The following NAT10 variants were observed in gnomAD, a reference collection of about 807,000 sequenced individuals.
The protein encoded by NAT10 is N-acetyltransferase 10.
In NAT10, 109 loss-of-function variants were observed where a neutral mutation model predicts 132.2. The ratio of observed to expected loss-of-function variants is 0.82; its 90% CI spans 0.71 to 0.97. The LOEUF is 0.97. NAT10 is among the 50% of genes least tolerant of loss of function. NAT10 has a pLI of 0.00. For missense variants in NAT10, 1,184 were observed against 1,263.4 expected, an observed-to-expected ratio of 0.94 and a Z score of 0.95; for synonymous variants, 479 against 478.0, an observed-to-expected ratio of 1.00 and a Z score of -0.03.
chr11:34,136,490 G>A (rs1479180848), intron 19 of NAT10, 152 bp from the exon 20 acceptor site: 1 of 789,804 alleles, frequency 1.3e-6, no homozygotes, highest in South Asian at 1.7e-5. Flanking sequence ...CTTGACTCCG[G>A]TGTTCTCATA....
intron 2 of NAT10, 48 bp downstream of exon 2, chr11:34,108,381 G>T: frequency 6.8e-7 from 1 of 1,466,234 alleles, no homozygotes; most frequent in Non-Finnish European, 9.6e-7. Context: ...CTTGTCCAAA[G>T]AATCAGCATG....
Position 34,127,543 on chromosome 11 carries a change from C to G in NAT10, c.1188C>G (p.Pro396=), listed in dbSNP as rs771255449. ...VIDEAAAIPL[P]LVKSLLGPYL... ...ATGAAGCTGCCGCCATCCCCCTCCC[C>G]TTGGTGAAGAGCCTACTTGGCCCCT... is the stretch of plus-strand genomic sequence containing the variant. The change falls in exon 12 of 29, where the codon CCC becomes CCG. Residue 396 remains proline (P), a synonymous_variant. Transcript: ENST00000257829. 6.2e-7 allele frequency: 1 copy of G among 1,614,196 alleles called. No individual in the cohort carries two copies. Among genetic ancestry groups the G allele is most frequent in the Non-Finnish European group, 8.5e-7 (1 of 1,180,016 alleles).
At chr11:34,128,579 C>A (rs1852044677) in intron 12 of NAT10, among the ~76,000 whole-genome samples, 2 of 152,156 alleles carry the variant, frequency 1.3e-5, no homozygotes, top group South Asian at 4.1e-4. Context: ...GTATAGAAAT[C>A]ACATCTTGAA....
In NAT10 at chr11:34,134,465, C is replaced by T. The variant is rs1426028397; in HGVS notation, c.1836+45C>T. On this transcript the variant is annotated intron_variant, in intron 17 of 28. Transcript: ENST00000257829. ...GTGTCTGAGGGAAGCTGGTGGTGTCCAAAGATGTCTGTGTTGCTAAGTTAC... is the reference window on the plus strand; with the variant it reads ...GTGTCTGAGGGAAGCTGGTGGTGTCTAAAGATGTCTGTGTTGCTAAGTTAC... 1.9e-6 allele frequency: 3 copies of T among 1,613,584 alleles called. No homozygotes were observed. In the African/African-American group the frequency reaches 4.0e-5, roughly 22 times the overall value.
rs767690927 is a variant in NAT10, at chr11:34,122,622, A to G, written c.914+30A>G. 26 of 1,611,528 alleles carry G rather than the reference A, an allele frequency of 1.6e-5. No individual in the cohort carries two copies. The African/African-American group carries it at 3.5e-4, about 22-fold the overall frequency. ...GGGGATTCAGTCCCCCATCTTTAGG[A>G]ACTCTGGGCTCTGTGGGGGTAGTGT... is the stretch of plus-strand genomic sequence containing the variant. On this transcript the variant is annotated intron_variant, in intron 9 of 28. Transcript: ENST00000257829.
At chr11:34,129,898 C>T (rs1852074324) in intron 12 of NAT10, among the ~76,000 whole-genome samples, 1 of 152,008 alleles carries the variant, frequency 6.6e-6, no homozygotes, top group Non-Finnish European at 1.5e-5. Flanking sequence ...TATGAGCCAC[C>T]ATGCCCGGCC....
rs1224619588 is a variant in NAT10 at position 34,127,462 on chromosome 11, G to A, written c.1108-1G>A. 2 of 1,611,710 alleles carry A rather than the reference G, an allele frequency of 1.2e-6. No homozygotes were observed. Among genetic ancestry groups the A allele is most frequent in the African/African-American group, 1.3e-5 (1 of 74,988 alleles). ...ATAATCTAAATTTTCCTTCCCCATA[G>A]TATATACATCCTGCAGATGCTGTGA... On this transcript the variant is annotated splice_acceptor_variant, in intron 11 of 28. Transcript: ENST00000257829. LOFTEE classifies it high-confidence loss of function.
intron 1 of NAT10, 25 bp from the exon 2 acceptor site, chr11:34,108,186 C>G: frequency 1.3e-6 from 2 of 1,511,752 alleles, no homozygotes; most frequent in Non-Finnish European, 1.8e-6. Flanking sequence ...GTGCGCATGG[C>G]CAGTTGTATT....
chr11:34,136,461 G>A (rs1434435358), intron 19 of NAT10, among the ~76,000 whole-genome samples, 181 bp from the exon 20 acceptor site: 1 of 152,154 alleles, frequency 6.6e-6, no homozygotes, highest in African/African-American at 2.4e-5. Context: ...TGCATGTTGA[G>A]GTGTTTTGAG....
intron 12 of NAT10, 128 bp from the exon 13 acceptor site, chr11:34,130,685 A>G: frequency 8.2e-7 from 1 of 1,223,614 alleles, no homozygotes; most frequent in East Asian, 2.4e-5. Flanking sequence ...AAGTTCAGAG[A>G]TGAGCAAGGC....
At chr11:34,129,776 C>T (rs1262325566) in intron 12 of NAT10, among the ~76,000 whole-genome samples, 2 of 151,264 alleles carry the variant, frequency 1.3e-5, no homozygotes, top group Non-Finnish European at 2.9e-5. Context: ...GCCTGGCTAA[C>T]TTTTGTATTT....
In NAT10 at chr11:34,134,596, C is replaced by G; in HGVS notation, c.1911+10C>G. 2 of 1,613,832 alleles carry G rather than the reference C, an allele frequency of 1.2e-6. No individual in the cohort carries two copies. Among genetic ancestry groups the G allele is most frequent in the Non-Finnish European group, 1.7e-6 (2 of 1,179,882 alleles). ...CCCAGATTATCAAGGGGTAATGTGT[C>G]CTCAGGCTCCCCTGAAGCCGTGTTG... is the stretch of plus-strand genomic sequence containing the variant. On this transcript the variant is annotated intron_variant, in intron 18 of 28. Coordinates refer to ENST00000257829, the MANE Select transcript of NAT10 (RefSeq NM_024662.3).
intron 6 of NAT10, among the ~76,000 whole-genome samples, chr11:34,117,570 T>A (rs1851803201): frequency 6.6e-6 from 1 of 152,198 alleles, no homozygotes; most frequent in Non-Finnish European, 1.5e-5. Flanking sequence ...GTCAGTAGAA[T>A]GAGCAGATCA....
chr11:34,125,972 C>T (rs1851984150), intron 11 of NAT10, among the ~76,000 whole-genome samples: 1 of 152,140 alleles, frequency 6.6e-6, no homozygotes, highest in South Asian at 2.1e-4. Flanking sequence ...CAGAGTGAGG[C>T]TTTGTCTCAA....
intron 4 of NAT10, among the ~76,000 whole-genome samples, chr11:34,113,044 G>C (rs1851722742): frequency 6.6e-6 from 1 of 152,200 alleles, no homozygotes; most frequent in African/African-American, 2.4e-5. Flanking sequence ...CCAAGAAAGA[G>C]GGCATTATGC....
chr11:34,146,338 G>A lies in NAT10; in HGVS notation c.*146G>A. 2 of 598,802 alleles carry A rather than the reference G, an allele frequency of 3.3e-6. No individual in the cohort carries two copies. Among genetic ancestry groups the A allele is most frequent in the Admixed American group, 3.2e-5 (1 of 31,512 alleles). 37.1% of individuals were successfully genotyped at this position (598,802 alleles called of 1,614,324 possible). On this transcript the variant is annotated 3_prime_UTR_variant, in exon 29 of 29. Transcript: ENST00000257829. ...ATTCGGCCTCTGGGCCTGTGTGTCT[G>A]TGAGCTCAACCTGGCTAAAGGCAGA... is the stretch of plus-strand genomic sequence containing the variant.
At chr11:34,117,746 T>A (rs1164410286) in intron 6 of NAT10, among the ~76,000 whole-genome samples, 2 of 152,228 alleles carry the variant, frequency 1.3e-5, no homozygotes, top group African/African-American at 4.8e-5. Flanking sequence ...CTTCCTTTTT[T>A]TTCTTTTTCC....
chr11:34,131,213 A>T (rs566087302), intron 13 of NAT10, among the ~76,000 whole-genome samples, 168 bp from the exon 14 acceptor site: 1 of 152,326 alleles, frequency 6.6e-6, no homozygotes, highest in South Asian at 2.1e-4. Context: ...GTATCGTGGC[A>T]AGTTGAATAT....
chr11:34,113,814 C>G lies in NAT10; in HGVS notation c.471C>G (p.Leu157=). ...VVILLRTMNS[L]KQLYTVTMDV... ...TCCTCCTACGGACCATGAACTCACT[C>G]AAGCAATTGTACACAGTGACTATGG... Residue 157 remains leucine, a synonymous_variant, in exon 5 of 29, where the codon CTC becomes CTG. Transcript: ENST00000257829. The G allele has an allele frequency of 6.2e-7, 1 of 1,614,002 alleles. No homozygotes were observed. Among genetic ancestry groups the G allele is most frequent in the Non-Finnish European group, 8.5e-7 (1 of 1,179,958 alleles).
Sources: allele counts gnomAD v4.1 joint callset (sites outside exome capture counted in the v4.1 genomes callset), GRCh38; gene constraint gnomAD v4.1.1; transcripts MANE v1.5; gene names NCBI Gene and HGNC (gene_info 2026-07-23, HGNC 2026-07-21).